The following IRAK1BP1 variants were observed in gnomAD, a reference collection of about 807,000 sequenced individuals.
IRAK1BP1 encodes the protein interleukin 1 receptor associated kinase 1 binding protein 1.
A neutral mutation model predicts 28.0 loss-of-function variants in IRAK1BP1; 24 were observed. That is an observed-to-expected ratio of 0.86 (90% confidence interval 0.62 to 1.20). The LOEUF (loss-of-function observed/expected upper bound fraction) is 1.20. Ranked by LOEUF, IRAK1BP1 falls within the 50% of genes most tolerant of loss-of-function variation. The pLI is 0.00. For missense variants in IRAK1BP1, 336 were observed against 316.7 expected (o/e 1.06, Z -0.46); for synonymous variants, 131 against 116.3 (o/e 1.13, Z -0.81).
intron 4 of IRAK1BP1, among the ~76,000 whole-genome samples, chr6:78,915,576 C>T (rs1331840936): frequency 6.6e-6 from 1 of 152,126 alleles, no homozygotes; most frequent in Non-Finnish European, 1.5e-5. Context: ...TGGTGCATAC[C>T]TGGGAGACAG....
At position 78,898,411 on chromosome 6, in the gene IRAK1BP1, AATAT is replaced by A. The variant is rs58937738; in HGVS notation, c.*108_*111del. ...TTTTATAATGTTTACGTTTGTCCTG[AATAT>A]ATATATATATATATATATATATATA... On this transcript the variant is annotated 3_prime_UTR_variant, in exon 4 of 4. Transcript: ENST00000369940. The A allele has an allele frequency of 0.039, 3,369 of 86,492 alleles. 161 individuals are homozygous for A. The highest frequency in any genetic ancestry group is 0.069 in the Admixed American group (412 of 5,954). 5.4% of individuals were successfully genotyped at this position (86,492 alleles called of 1,614,324 possible). A position where few individuals can be genotyped will look rare whatever the true frequency, so the allele number is the denominator to read the frequency against.
At chr6:78,958,597 C>T in the IRAK1BP1 span, 1 of 1,558,060 alleles carries the variant, frequency 6.4e-7, no homozygotes. Context: ...GGGAAGAAAC[C>T]CGCCTTAAAA....
At chr6:78,884,813 T>C (rs191944805) in intron 1 of IRAK1BP1, among the ~76,000 whole-genome samples, 2 of 152,286 alleles carry the variant, frequency 1.3e-5, no homozygotes, top group East Asian at 3.9e-4. Context: ...AAGTATACTT[T>C]ATGTGCAAAC....
chr6:78,906,707 G>C (rs1772269930), downstream of IRAK1BP1, among the ~76,000 whole-genome samples: 1 of 152,120 alleles, frequency 6.6e-6, no homozygotes, highest in African/African-American at 2.4e-5. Context: ...ACTGATCTTG[G>C]ATTAGGGTTT....
At chr6:78,945,145 A>G (rs1562113030) in intron 4 of IRAK1BP1, among the ~76,000 whole-genome samples, 1 of 151,420 alleles carries the variant, frequency 6.6e-6, no homozygotes, top group South Asian at 2.1e-4. Flanking sequence ...GTGCAGTGGC[A>G]CAATAATAGC....
downstream of IRAK1BP1, among the ~76,000 whole-genome samples, chr6:78,949,869 T>G (rs1202903957): frequency 2.0e-5 from 3 of 152,070 alleles, no homozygotes; most frequent in Non-Finnish European, 4.4e-5. Context: ...TTGTATTTTT[T>G]GTAAAGACGG....
chr6:78,969,762 G>T, the IRAK1BP1 span: 1 of 669,030 alleles, frequency 1.5e-6, no homozygotes, highest in South Asian at 2.4e-5. Context: ...TCTCAATTAT[G>T]AAAAATAGTA....
At chr6:78,942,787 A>G (rs1454464897) in intron 4 of IRAK1BP1, among the ~76,000 whole-genome samples, 2 of 152,230 alleles carry the variant, frequency 1.3e-5, no homozygotes, top group East Asian at 1.9e-4. Flanking sequence ...TAAGGACTAC[A>G]TGAATCCCTT....
the IRAK1BP1 span, among the ~76,000 whole-genome samples, chr6:78,971,949 G>A: frequency 1.3e-5 from 2 of 152,212 alleles, no homozygotes; most frequent in African/African-American, 4.8e-5. Flanking sequence ...CGAGGCTGGG[G>A]GAGGGGCGCC....
chr6:78,978,343 T>G, the IRAK1BP1 span, among the ~76,000 whole-genome samples: 1 of 152,084 alleles, frequency 6.6e-6, no homozygotes, highest in East Asian at 1.9e-4. Context: ...AACCTCTTAC[T>G]AAAACATACA....
At position 78,889,683 on chromosome 6, in the gene IRAK1BP1, C is replaced by T. The variant is rs569380791; in HGVS notation, c.381+4240C>T. Among the ~76,000 whole-genome samples, 5 of 152,036 alleles carry T rather than the reference C, an allele frequency of 3.3e-5. No homozygotes were observed. The South Asian group carries it at 6.2e-4, about 19-fold the overall frequency. On this transcript the variant is annotated intron_variant, in intron 2 of 3. Coordinates refer to ENST00000369940, the MANE Select transcript of IRAK1BP1 (RefSeq NM_001010844.4). The stretch of plus-strand genomic sequence containing the variant: ...AACATGAAAAAAAGCTCATCATCAC[C>T]GGTCATTAGAGAAATGCAAATCAAA...
exon 5 of IRAK1BP1, chr6:78,945,704 C>T: frequency 1.7e-6 from 1 of 603,358 alleles, no homozygotes; most frequent in Admixed American, 2.6e-5. Context: ...GCTGTCCCAT[C>T]ATTTCAAAAT....
At chr6:78,882,698 A>G (rs1440271212) in intron 1 of IRAK1BP1, among the ~76,000 whole-genome samples, 1 of 152,200 alleles carries the variant, frequency 6.6e-6, no homozygotes, top group Non-Finnish European at 1.5e-5. Context: ...AGAGGAGACT[A>G]AGGAGACTTG....
At chr6:78,915,224 A>G (rs1316252183) in intron 4 of IRAK1BP1, among the ~76,000 whole-genome samples, 1 of 152,236 alleles carries the variant, frequency 6.6e-6, no homozygotes, top group Non-Finnish European at 1.5e-5. Context: ...ATTACAATGC[A>G]TATGATGCAT....
chr6:78,930,630 A>G (rs1000939696), intron 4 of IRAK1BP1, among the ~76,000 whole-genome samples: 3 of 152,158 alleles, frequency 2.0e-5, no homozygotes, highest in Non-Finnish European at 4.4e-5. Flanking sequence ...ACAGAGAAAC[A>G]GAGAAATACA....
chr6:78,867,990 G>A, intron 1 of IRAK1BP1, 99 bp downstream of exon 1: 1 of 1,291,296 alleles, frequency 7.7e-7, no homozygotes, highest in South Asian at 1.6e-5. Flanking sequence ...GGGAGATGTG[G>A]AGGGTCTGGA....
At chr6:78,893,314 G>GCATATATA (rs1771741775) in intron 2 of IRAK1BP1, among the ~76,000 whole-genome samples, 1 of 103,432 alleles carries the variant, frequency 9.7e-6, no homozygotes, top group Non-Finnish European at 1.9e-5. Context: ...GTGTGTGTGT[G>GCATATATA]TATATATATA....
chr6:78,975,745 GC>G, the IRAK1BP1 span, among the ~76,000 whole-genome samples: 1 of 151,934 alleles, frequency 6.6e-6, no homozygotes, highest in Non-Finnish European at 1.5e-5. Flanking sequence ...CAAACAGAGA[GC>G]CAAATCATGA....
At chr6:78,925,017 A>G (rs1772848351) in intron 4 of IRAK1BP1, among the ~76,000 whole-genome samples, 1 of 152,212 alleles carries the variant, frequency 6.6e-6, no homozygotes, top group Non-Finnish European at 1.5e-5. Flanking sequence ...TGTCCTTTGT[A>G]GGGACATGGA....
Sources: gnomAD v4.1 joint callset for allele counts (sites outside exome capture counted in the v4.1 genomes callset) on GRCh38, gnomAD v4.1.1 for gene constraint, MANE v1.5 for transcripts, NCBI Gene and HGNC (gene_info 2026-07-23, HGNC 2026-07-21) for gene names.